ANXA4: variants seen among roughly 807,000 people sequenced by gnomAD.
ANXA4 encodes the protein annexin A4, also known as 35-beta calcimedin.
Under a neutral mutation model 49.8 loss-of-function variants are expected in ANXA4, and 39 were observed. The observed-to-expected ratio is 0.78, with a 90% CI of 0.61 to 1.02. The LOEUF (loss-of-function observed/expected upper bound fraction) is 1.02. Among genes scored for constraint, ANXA4 ranks in the 50% least tolerant of loss-of-function variants. The pLI, the probability that ANXA4 is intolerant of heterozygous loss-of-function variation, is 0.00. For missense variants in ANXA4, 360 were observed against 410.1 expected (o/e 0.88, Z 1.05); for synonymous variants, 134 against 152.5 (o/e 0.88, Z 0.89).
At chr2:69,686,631 A>AT (rs1440153064) in intron 2 of ANXA4, among the ~76,000 whole-genome samples, 4 of 151,990 alleles carry the variant, frequency 2.6e-5, no homozygotes, top group African/African-American at 9.7e-5. Flanking sequence ...ACTTTTTTAA[A>AT]TTTTTTGTAG....
chr2:69,797,157 T>C (rs1672981270), intron 3 of ANXA4, among the ~76,000 whole-genome samples: 2 of 151,894 alleles, frequency 1.3e-5, no homozygotes, highest in African/African-American at 2.4e-5. Flanking sequence ...TCCAGAGGAG[T>C]GCCGGCTGAA....
chr2:69,746,884 G>A (rs1187735062), intron 1 of ANXA4, among the ~76,000 whole-genome samples: 1 of 151,774 alleles, frequency 6.6e-6, no homozygotes, highest in Non-Finnish European at 1.5e-5. Context: ...TGTAGTCCAA[G>A]CTATATGGGA....
At chr2:69,681,496 C>T (rs1166356747) in intron 2 of ANXA4, among the ~76,000 whole-genome samples, 1 of 151,934 alleles carries the variant, frequency 6.6e-6, no homozygotes, top group Non-Finnish European at 1.5e-5. Flanking sequence ...TCCTGAGTAG[C>T]TGGGATTACA....
At chr2:69,770,965 G>A (rs554820475) in intron 1 of ANXA4, among the ~76,000 whole-genome samples, 11 of 151,022 alleles carry the variant, frequency 7.3e-5, no homozygotes, top group African/African-American at 1.7e-4. Flanking sequence ...GTGGTGGCAC[G>A]TACCTGTAGT....
chr2:69,737,628 C>T (rs1471284372), upstream of ANXA4, among the ~76,000 whole-genome samples: 5 of 152,144 alleles, frequency 3.3e-5, no homozygotes, highest in Admixed American at 6.5e-5. Context: ...GATAGTGTCT[C>T]GCTATGTCAC....
chr2:69,792,373 T>A (rs988591550), intron 3 of ANXA4, among the ~76,000 whole-genome samples: 2 of 152,246 alleles, frequency 1.3e-5, no homozygotes, highest in African/African-American at 4.8e-5. Flanking sequence ...AACTTAATTT[T>A]AAATGAAACA....
chr2:69,646,368 C>T (rs2105290740), intron 1 of ANXA4, among the ~76,000 whole-genome samples: 1 of 152,330 alleles, frequency 6.6e-6, no homozygotes, highest in Middle Eastern at 3.4e-3. Context: ...CCATCTTCTA[C>T]TTATCTCCTT....
At chr2:69,821,311 G>A (rs938346339) in intron 12 of ANXA4, among the ~76,000 whole-genome samples, 13 of 152,162 alleles carry the variant, frequency 8.5e-5, no homozygotes, top group Non-Finnish European at 1.3e-4. Context: ...TTTGTTTCTT[G>A]AGGATGCTGG....
intron 3 of ANXA4, among the ~76,000 whole-genome samples, chr2:69,793,057 T>C (rs533063111): frequency 6.6e-6 from 1 of 151,238 alleles, no homozygotes. Flanking sequence ...ATCGAGACCA[T>C]CCTGGCCAAC....
chr2:69,701,573 C>T (rs771592637), intron 2 of ANXA4, among the ~76,000 whole-genome samples: 15 of 152,200 alleles, frequency 9.9e-5, no homozygotes, highest in Non-Finnish European at 2.1e-4. Context: ...ATTATATTCA[C>T]TGTATGGAGG....
upstream of ANXA4, among the ~76,000 whole-genome samples, chr2:69,644,165 T>TTGGGGG: frequency 4.7e-5 from 1 of 21,142 alleles, no homozygotes; most frequent in African/African-American, 1.7e-4. Context: ...ACAACTAAGT[T>TTGGGGG]CCCCCCCCCC....
At chr2:69,716,778 GAA>G (rs1203056161) in intron 2 of ANXA4, among the ~76,000 whole-genome samples, 3 of 152,176 alleles carry the variant, frequency 2.0e-5, no homozygotes, top group Non-Finnish European at 4.4e-5. Flanking sequence ...GGGCAAGAAC[GAA>G]AAGAGTTGTG....
intron 7 of ANXA4, 136 bp downstream of exon 7, chr2:69,810,809 T>C: frequency 1.5e-6 from 1 of 683,422 alleles, no homozygotes; most frequent in Non-Finnish European, 2.6e-6. Flanking sequence ...TCTGTTCCTT[T>C]ATCTTATTTC....
intron 2 of ANXA4, among the ~76,000 whole-genome samples, chr2:69,692,228 G>A (rs1383254046): frequency 6.6e-6 from 1 of 152,228 alleles, no homozygotes; most frequent in African/African-American, 2.4e-5. Flanking sequence ...ATTGCCTCAG[G>A]TGAAACCACA....
At chr2:69,736,611 C>G (rs972668032) in intron 3 of ANXA4, among the ~76,000 whole-genome samples, 1 of 152,018 alleles carries the variant, frequency 6.6e-6, no homozygotes, top group African/African-American at 2.4e-5. Flanking sequence ...AAAAAAGTTT[C>G]TTGGTTTATG....
chr2:69,806,686 C>T (rs548172311), intron 5 of ANXA4, among the ~76,000 whole-genome samples, 188 bp downstream of exon 5: 26 of 152,272 alleles, frequency 1.7e-4, no homozygotes, highest in African/African-American at 6.0e-4. Flanking sequence ...ATCATGTCCT[C>T]TGGAGGAACA....
intron 2 of ANXA4, among the ~76,000 whole-genome samples, chr2:69,708,862 C>T (rs563212424): frequency 6.6e-6 from 1 of 151,640 alleles, no homozygotes; most frequent in Non-Finnish European, 1.5e-5. Context: ...ACTAAAAATA[C>T]AAAAATCAGC....
chr2:69,800,455 C>T (rs1003112679), intron 3 of ANXA4, among the ~76,000 whole-genome samples: 4 of 152,146 alleles, frequency 2.6e-5, no homozygotes, highest in African/African-American at 9.7e-5. Flanking sequence ...GGATTATAAT[C>T]CCTAGTTCTT....
At chr2:69,644,165 T>TTCCCCCCCC (rs1553424953), upstream of ANXA4, among the ~76,000 whole-genome samples, 6 of 21,116 alleles carry the variant, frequency 2.8e-4, 1 homozygote, top group Non-Finnish European at 3.8e-4. Context: ...ACAACTAAGT[T>TTCCCCCCCC]CCCCCCCCCC....
Sources: gnomAD v4.1 joint callset for allele counts (sites outside exome capture counted in the v4.1 genomes callset) on GRCh38, gnomAD v4.1.1 for gene constraint, MANE v1.5 for transcripts, NCBI Gene and HGNC (gene_info 2026-07-23, HGNC 2026-07-21) for gene names.